PCDH15: variants seen among roughly 807,000 people sequenced by gnomAD.
PCDH15 encodes protocadherin-15.
In PCDH15, 129 loss-of-function variants were observed where a neutral mutation model predicts 178.5. That is an observed-to-expected ratio of 0.72 (90% CI 0.63 to 0.84). The LOEUF (loss-of-function observed/expected upper bound fraction) is 0.84, where lower values mean the gene tolerates loss of function less well. PCDH15 is among the 40% of genes least tolerant of loss of function. PCDH15 has a pLI of 0.00. For missense variants in PCDH15, 2,230 were observed against 2,099.9 expected, an observed-to-expected ratio of 1.06 and a Z score of -1.21; for synonymous variants, 800 against 732.0, an observed-to-expected ratio of 1.09 and a Z score of -1.50.
intron 2 of PCDH15, among the ~76,000 whole-genome samples, chr10:54,897,977 C>T (rs1006997596): frequency 9.2e-5 from 14 of 152,126 alleles, no homozygotes; most frequent in Non-Finnish European, 1.9e-4. Context: ...GATATCCCCT[C>T]CAAATCTCAT....
chr10:54,262,116 T>C (rs1422347809), intron 8 of PCDH15, among the ~76,000 whole-genome samples: 3 of 152,094 alleles, frequency 2.0e-5, no homozygotes, highest in Non-Finnish European at 2.9e-5. Context: ...CATAGATCTT[T>C]GGACTGGTAG....
chr10:54,440,153 G>T (rs2075708057), intron 3 of PCDH15, among the ~76,000 whole-genome samples: 1 of 152,022 alleles, frequency 6.6e-6, no homozygotes, highest in Admixed American at 6.6e-5. Context: ...AGATGTGGCA[G>T]AAAGTTGGCT....
chr10:53,858,604 C>T (rs985448162), intron 27 of PCDH15, among the ~76,000 whole-genome samples: 3 of 152,128 alleles, frequency 2.0e-5, no homozygotes, highest in Non-Finnish European at 4.4e-5. Context: ...ATTGTGTGAG[C>T]ATGATCAATC....
At chr10:53,947,226 C>T (rs913811897) in intron 23 of PCDH15, among the ~76,000 whole-genome samples, 1 of 151,798 alleles carries the variant, frequency 6.6e-6, no homozygotes, top group Non-Finnish European at 1.5e-5. Context: ...CAGTTTTTAC[C>T]GTATAAATAT....
chr10:54,311,508 A>G (rs2060907165), intron 8 of PCDH15, among the ~76,000 whole-genome samples: 1 of 152,062 alleles, frequency 6.6e-6, no homozygotes, highest in African/African-American at 2.4e-5. Context: ...TACAGACATA[A>G]TAACTTTAAA....
chr10:55,572,749 A>G (rs1564460426), intron 2 of PCDH15, among the ~76,000 whole-genome samples: 1 of 152,100 alleles, frequency 6.6e-6, no homozygotes, highest in Non-Finnish European at 1.5e-5. Flanking sequence ...GTTTCATTTC[A>G]GCAGAGAGCT....
At chr10:55,239,131 C>T (rs1841477544) in intron 1 of PCDH15, among the ~76,000 whole-genome samples, 1 of 152,026 alleles carries the variant, frequency 6.6e-6, no homozygotes, top group Admixed American at 6.6e-5. Flanking sequence ...TCGGCTTGTG[C>T]TTGGCTTATT....
intron 2 of PCDH15, among the ~76,000 whole-genome samples, chr10:55,551,994 C>A (rs1842011914): frequency 6.6e-6 from 1 of 151,610 alleles, no homozygotes; most frequent in Non-Finnish European, 1.5e-5. Context: ...AATAACACAT[C>A]TAAACTCTCG....
intron 13 of PCDH15, among the ~76,000 whole-genome samples, chr10:54,176,795 A>T (rs1215991690): frequency 6.6e-6 from 1 of 152,162 alleles, no homozygotes; most frequent in Non-Finnish European, 1.5e-5. Flanking sequence ...GCACATAGGC[A>T]TGGAAAAGGA....
chr10:54,294,786 C>T (rs1591638113), intron 8 of PCDH15, among the ~76,000 whole-genome samples: 1 of 152,132 alleles, frequency 6.6e-6, no homozygotes. Flanking sequence ...TATTTTGACA[C>T]ATTAAAAAGT....
chr10:55,523,917 C>A, intron 2 of PCDH15, among the ~76,000 whole-genome samples: 1 of 151,560 alleles, frequency 6.6e-6, no homozygotes, highest in East Asian at 1.9e-4. Context: ...GATGTAGAAT[C>A]AAAGCCCACA....
chr10:54,373,339 C>T (rs1049441927), intron 4 of PCDH15, among the ~76,000 whole-genome samples: 14 of 151,790 alleles, frequency 9.2e-5, no homozygotes, highest in African/African-American at 3.4e-4. Context: ...CATAATCATT[C>T]CTATTTCACA....
At chr10:54,219,888 T>G (rs2134177884) in intron 9 of PCDH15, among the ~76,000 whole-genome samples, 1 of 152,176 alleles carries the variant, frequency 6.6e-6, no homozygotes, top group East Asian at 1.9e-4. Flanking sequence ...GGATTAAAAT[T>G]ATATATTTTT....
At chr10:55,326,825 A>C (rs1844042975) in intron 2 of PCDH15, among the ~76,000 whole-genome samples, 1 of 152,140 alleles carries the variant, frequency 6.6e-6, no homozygotes, top group Non-Finnish European at 1.5e-5. Flanking sequence ...AGTAAATTCC[A>C]GATATTCTCA....
intron 1 of PCDH15, among the ~76,000 whole-genome samples, chr10:54,679,289 A>G (rs1385986942): frequency 1.3e-5 from 2 of 151,892 alleles, no homozygotes; most frequent in Non-Finnish European, 2.9e-5. Context: ...ATTTGCCCTG[A>G]TGATTGGTGT....
intron 3 of PCDH15, among the ~76,000 whole-genome samples, chr10:54,838,214 C>A (rs973363527): frequency 6.6e-6 from 1 of 152,002 alleles, no homozygotes; most frequent in Non-Finnish European, 1.5e-5. Context: ...CTCTATGTCC[C>A]CACCCAAATA....
At chr10:55,577,764 T>C (rs1842524155) in intron 2 of PCDH15, among the ~76,000 whole-genome samples, 1 of 152,216 alleles carries the variant, frequency 6.6e-6, no homozygotes, top group Admixed American at 6.5e-5. Flanking sequence ...ACACAACCTA[T>C]GGCTAACAGC....
At chr10:54,726,434 GTGTGT>G (rs1566051953) in intron 1 of PCDH15, among the ~76,000 whole-genome samples, 1,775 of 150,140 alleles carry the variant, frequency 0.012, 18 homozygotes, top group African/African-American at 0.014. Flanking sequence ...GTGTGTGTGT[GTGTGT>G]GTGTGTGTGT....
intron 1 of PCDH15, among the ~76,000 whole-genome samples, chr10:54,702,714 C>T (rs1014259418): frequency 1.3e-5 from 2 of 151,754 alleles, no homozygotes; most frequent in Non-Finnish European, 2.9e-5. Context: ...ATAAGTAATA[C>T]AACGCCTACC....
Sources: gnomAD v4.1 joint callset for allele counts (sites outside exome capture counted in the v4.1 genomes callset) on GRCh38, gnomAD v4.1.1 for gene constraint, MANE v1.5 for transcripts, NCBI Gene and HGNC (gene_info 2026-07-23, HGNC 2026-07-21) for gene names.